DNAH9: variants seen among roughly 807,000 people sequenced by gnomAD.
The protein encoded by DNAH9 is DNAH9 variant protein.
A neutral mutation model predicts 471.6 loss-of-function variants in DNAH9; 345 were observed. The ratio of observed to expected loss-of-function variants is 0.73; its 90% confidence interval spans 0.67 to 0.80. The LOEUF (loss-of-function observed/expected upper bound fraction) is 0.80, where lower values mean the gene tolerates loss of function less well. DNAH9 is among the 30% of genes least tolerant of loss of function. The pLI, the probability that DNAH9 is intolerant of heterozygous loss-of-function variation, is 0.00. For synonymous variants in DNAH9, 2,093 were observed against 2,123.6 expected, an observed-to-expected ratio of 0.99 and a Z score of 0.40; for missense variants, 5,407 against 5,609.2, an observed-to-expected ratio of 0.96 and a Z score of 1.15.
chr17:11,913,282 A>C (rs939214337), intron 61 of DNAH9, among the ~76,000 whole-genome samples: 2 of 152,290 alleles, frequency 1.3e-5, no homozygotes, highest in East Asian at 3.9e-4. Flanking sequence ...TTTTTAAATT[A>C]TTAGTTCAAT....
chr17:11,928,756 G>A (rs1368520493), intron 62 of DNAH9, among the ~76,000 whole-genome samples: 1 of 152,326 alleles, frequency 6.6e-6, no homozygotes, highest in South Asian at 2.1e-4. Flanking sequence ...TTGGAGAGTG[G>A]AGAGAGAAGA....
intron 27 of DNAH9, among the ~76,000 whole-genome samples, chr17:11,721,035 A>AACG (rs2075047817): frequency 6.6e-6 from 1 of 151,848 alleles, no homozygotes; most frequent in Non-Finnish European, 1.5e-5. Flanking sequence ...CAAAGGGAAC[A>AACG]TTGTGAAAGA....
At chr17:11,864,595 C>T (rs374455578) in intron 50 of DNAH9, among the ~76,000 whole-genome samples, 10 of 151,864 alleles carry the variant, frequency 6.6e-5, no homozygotes, top group Admixed American at 2.0e-4. Context: ...TTCTGTCTCG[C>T]TGATCTGTCT....
At chr17:11,737,216 G>A (rs1469436647) in intron 28 of DNAH9, among the ~76,000 whole-genome samples, 5 of 152,174 alleles carry the variant, frequency 3.3e-5, no homozygotes, top group Non-Finnish European at 7.3e-5. Context: ...AGTCATTAGC[G>A]CTTCACTCTG....
At chr17:11,856,189 A>G (rs1971619908) in intron 50 of DNAH9, among the ~76,000 whole-genome samples, 1 of 152,174 alleles carries the variant, frequency 6.6e-6, no homozygotes, top group Non-Finnish European at 1.5e-5. Context: ...TTCAATCCAA[A>G]AAATTTTCTG....
chr17:11,874,979 C>A lies in DNAH9; in HGVS notation c.10273C>A (p.Pro3425Thr). The change falls in exon 53 of 69, where the codon CCC becomes ACC. Residue 3425 changes from proline (P) to threonine (T), a missense_variant. Physicochemically the swap from Pro to Thr is conservative, Grantham distance 38. Coordinates refer to ENST00000262442, the MANE Select transcript of DNAH9 (RefSeq NM_001372.4). The part of the protein sequence containing the change: ...TPIPVTPALD[P>T]LRMLMDDADV... ...CATTCCAGTCACCCCAGCCCTGGATCCCCTGAGGATGCTGATGGATGATGC... is the reference window on the plus strand; with the variant it reads ...CATTCCAGTCACCCCAGCCCTGGATACCCTGAGGATGCTGATGGATGATGC... 3 of 1,614,102 alleles carry A rather than the reference C, an allele frequency of 1.9e-6. No individual in the cohort carries two copies. Among genetic ancestry groups the A allele is most frequent in the South Asian group, 2.2e-5 (2 of 91,082 alleles).
chr17:11,680,671 G>A (rs2074118075), intron 18 of DNAH9, 52 bp from the exon 19 acceptor site: 1 of 1,533,618 alleles, frequency 6.5e-7, no homozygotes, highest in South Asian at 1.2e-5. Context: ...CAGGACTATG[G>A]GAGAGGAAAG....
intron 32 of DNAH9, among the ~76,000 whole-genome samples, chr17:11,750,883 A>C (rs1256710534): frequency 6.6e-6 from 1 of 152,124 alleles, no homozygotes; most frequent in Non-Finnish European, 1.5e-5. Context: ...AATGACGGAA[A>C]AGGAACTGAT....
chr17:11,868,675 T>A (rs1972149724), intron 50 of DNAH9, among the ~76,000 whole-genome samples: 2 of 151,998 alleles, frequency 1.3e-5, no homozygotes, highest in African/African-American at 4.8e-5. Flanking sequence ...GTTGACCTTT[T>A]TCATGCTAAC....
At position 11,891,922 on chromosome 17, in the gene DNAH9, C is replaced by A. The variant is rs1234901346; in HGVS notation, c.11258C>A (p.Thr3753Asn). The change falls in exon 58 of 69, where the codon ACC (threonine) becomes AAC (asparagine). Residue 3753 changes from threonine (T) to asparagine (N), a missense_variant. Thr to Asn is a moderately conservative substitution (Grantham distance 65, BLOSUM62 0). Coordinates refer to ENST00000262442, the MANE Select transcript of DNAH9 (RefSeq NM_001372.4). ...GGGCTCTTTGAGTGTGATAAGCTGACCTACCTTGCCCAGCTCACCTTTCAG... is the reference window on the plus strand; with the variant it reads ...GGGCTCTTTGAGTGTGATAAGCTGAACTACCTTGCCCAGCTCACCTTTCAG... Reference protein sequence around the residue: ...IRGLFECDKLTYLAQLTFQIL... With the variant: ...IRGLFECDKLNYLAQLTFQIL... 6.2e-7 allele frequency: 1 copy of A among 1,613,828 alleles called. No homozygotes were observed. The highest frequency in any genetic ancestry group is 2.2e-5 in the East Asian group (1 of 44,870).
chr17:11,807,106 A>G (rs963703732), intron 43 of DNAH9, among the ~76,000 whole-genome samples: 1 of 152,132 alleles, frequency 6.6e-6, no homozygotes, highest in African/African-American at 2.4e-5. Flanking sequence ...AGGAATCCAG[A>G]AGCCAGGGAT....
intron 45 of DNAH9, among the ~76,000 whole-genome samples, chr17:11,811,749 T>A (rs550143963): frequency 2.0e-4 from 30 of 152,166 alleles, no homozygotes; most frequent in African/African-American, 7.0e-4. Flanking sequence ...GCAATAAGCA[T>A]CTTCCGTCAA....
chr17:11,903,004 T>A, intron 60 of DNAH9, 92 bp downstream of exon 60: 1 of 1,398,332 alleles, frequency 7.2e-7, no homozygotes, highest in Non-Finnish European at 9.8e-7. Context: ...TCCAAAGCCA[T>A]GTGTATATAG....
chr17:11,624,228 G>T (rs949711849), intron 6 of DNAH9, among the ~76,000 whole-genome samples: 1 of 152,226 alleles, frequency 6.6e-6, no homozygotes, highest in Non-Finnish European at 1.5e-5. Context: ...AAGAACTGGG[G>T]CCGGGTGCAG....
chr17:11,613,990 G>C (rs1162606039), intron 4 of DNAH9, among the ~76,000 whole-genome samples: 2 of 152,152 alleles, frequency 1.3e-5, no homozygotes, highest in African/African-American at 2.4e-5. Flanking sequence ...ATTTGCAGTA[G>C]AGTATATGCC....
chr17:11,724,217 A>G (rs2075113937), intron 27 of DNAH9, among the ~76,000 whole-genome samples: 1 of 152,106 alleles, frequency 6.6e-6, no homozygotes, highest in Non-Finnish European at 1.5e-5. Flanking sequence ...CTCTTCAGCT[A>G]TTTTGAAATA....
At chr17:11,615,084 C>T (rs1370738729) in intron 4 of DNAH9, among the ~76,000 whole-genome samples, 1 of 152,092 alleles carries the variant, frequency 6.6e-6, no homozygotes, top group East Asian at 1.9e-4. Context: ...AACCTTGCAC[C>T]CCCATTCTCC....
At chr17:11,772,761 G>T (rs1968261045) in intron 38 of DNAH9, among the ~76,000 whole-genome samples, 1 of 152,198 alleles carries the variant, frequency 6.6e-6, no homozygotes, top group Non-Finnish European at 1.5e-5. Context: ...CACACTAAGG[G>T]ATGGAGAAAG....
chr17:11,837,656 A>G (rs1970891863), intron 49 of DNAH9, among the ~76,000 whole-genome samples: 1 of 152,188 alleles, frequency 6.6e-6, no homozygotes, highest in Non-Finnish European at 1.5e-5. Context: ...CTTTTTGTAA[A>G]ACAGGTGTTT....
Sources: allele counts gnomAD v4.1 joint callset (sites outside exome capture counted in the v4.1 genomes callset), GRCh38; gene constraint gnomAD v4.1.1; transcripts MANE v1.5; gene names NCBI Gene and HGNC (gene_info 2026-07-23, HGNC 2026-07-21).